SNX25: variants seen among roughly 807,000 people sequenced by gnomAD.
SNX25 encodes the protein sorting nexin 25.
Under a neutral mutation model 113.7 loss-of-function variants are expected in SNX25, and 62 were observed. That is an observed-to-expected ratio of 0.55 (90% CI 0.44 to 0.67). The LOEUF is 0.67. Among genes scored for constraint, SNX25 ranks in the 30% least tolerant of loss-of-function variants. The pLI, the probability that SNX25 is intolerant of heterozygous loss-of-function variation, is 0.00. For missense variants in SNX25, 1,014 were observed against 1,161.0 expected (o/e 0.87, Z 1.84); for synonymous variants, 421 against 436.2 (o/e 0.97, Z 0.43).
chr4:185,205,453 CA>C (rs1161922728), upstream of SNX25, among the ~76,000 whole-genome samples: 294 of 127,138 alleles, frequency 2.3e-3, 1 homozygote, highest in Middle Eastern at 3.8e-3. Context: ...GACTGTGTCT[CA>C]AAAAAAAAAA....
At chr4:185,347,583 G>A (rs1430427293) in intron 13 of SNX25, among the ~76,000 whole-genome samples, 1 of 152,070 alleles carries the variant, frequency 6.6e-6, no homozygotes, top group African/African-American at 2.4e-5. Context: ...TGATTCTCCT[G>A]CCTAAGCCTC....
intron 2 of SNX25, among the ~76,000 whole-genome samples, chr4:185,254,410 G>A (rs1054297106): frequency 1.3e-5 from 2 of 152,088 alleles, no homozygotes; most frequent in African/African-American, 2.4e-5. Flanking sequence ...AGAGACCCAG[G>A]CGTGGACTTT....
At chr4:185,361,581 T>C (rs887465457) in intron 16 of SNX25, among the ~76,000 whole-genome samples, 32 of 151,872 alleles carry the variant, frequency 2.1e-4, no homozygotes, top group Admixed American at 1.9e-3. Context: ...CTACTAAAAA[T>C]ACAAAAATCA....
intron 1 of SNX25, among the ~76,000 whole-genome samples, chr4:185,230,470 G>A (rs144906018): frequency 2.7e-5 from 4 of 149,048 alleles, no homozygotes; most frequent in Non-Finnish European, 4.4e-5. Context: ...ATCAGCTCAC[G>A]CAACATCCGC....
intron 6 of SNX25, among the ~76,000 whole-genome samples, chr4:185,300,004 C>G (rs1391946377): frequency 6.6e-6 from 1 of 152,118 alleles, no homozygotes; most frequent in Non-Finnish European, 1.5e-5. Context: ...AATTGTATAT[C>G]TTACCCAAGT....
chr4:185,315,783 C>CA lies in SNX25; in HGVS notation c.1345-4945dup, dbSNP rs1351685181. Among the ~76,000 whole-genome samples, 3 of 152,206 alleles carry CA rather than the reference C, an allele frequency of 2.0e-5. No homozygotes were observed. The East Asian group carries it at 5.8e-4, about 29-fold the overall frequency. On this transcript the variant is annotated intron_variant, in intron 7 of 18. Coordinates refer to ENST00000652585, the MANE Select transcript of SNX25 (RefSeq NM_001378034.2). ...TGACCCTGGACAGAAAAGTCCTTAA[C>CA]AAAAATACTGGTAAATCAGATTCAA...
intron 1 of SNX25, among the ~76,000 whole-genome samples, chr4:185,213,959 G>T (rs1253608072): frequency 1.3e-5 from 2 of 148,632 alleles, no homozygotes; most frequent in African/African-American, 5.0e-5. Flanking sequence ...TTTTAGACAA[G>T]GTCTCGCTCT....
chr4:185,377,898 G>T, the SNX25 span: 1 of 557,960 alleles, frequency 1.8e-6, no homozygotes, highest in Non-Finnish European at 3.1e-6. Context: ...AGACCTCACT[G>T]ACGATTTGCT....
intron 15 of SNX25, among the ~76,000 whole-genome samples, chr4:185,355,732 T>C (rs1579915004): frequency 6.6e-6 from 1 of 152,252 alleles, no homozygotes; most frequent in African/African-American, 2.4e-5. Flanking sequence ...ATGTTTAACT[T>C]GATTCAATAT....
rs934056135 is a variant in SNX25 at position 185,211,999 on chromosome 4, G to A, written c.429+1744G>A. 1.4e-4 allele frequency among the ~76,000 whole-genome samples: 21 copies of A among 152,188 alleles called. 1 individual carries two copies. Among genetic ancestry groups the A allele is most frequent in the Non-Finnish European group, 8.8e-5 (6 of 68,042 alleles). On this transcript the variant is annotated intron_variant, in intron 1 of 18. Coordinates refer to ENST00000652585, the MANE Select transcript of SNX25 (RefSeq NM_001378034.2). ...AGAAAATAGTATTTTAAAGGTGACA[G>A]AGAAAATGAAGCAGCATGTATAAAT...
intron 1 of SNX25, among the ~76,000 whole-genome samples, chr4:185,220,636 A>T (rs1739662362): frequency 6.6e-6 from 1 of 151,680 alleles, no homozygotes; most frequent in Admixed American, 6.6e-5. Context: ...GCCCACCACC[A>T]CGCCTGGCTA....
the SNX25 span, chr4:185,378,548 ACAGT>A: frequency 9.7e-6 from 10 of 1,033,738 alleles, no homozygotes; most frequent in Non-Finnish European, 7.0e-6. Context: ...GACACTGCCC[ACAGT>A]CAGAGCTCTT....
chr4:185,377,986 A>T, the SNX25 span: 1 of 1,036,122 alleles, frequency 9.7e-7, no homozygotes, highest in South Asian at 1.5e-5. Flanking sequence ...CCTTGAAATC[A>T]ATAAAACACA....
intron 6 of SNX25, among the ~76,000 whole-genome samples, chr4:185,310,107 T>C (rs919894205): frequency 6.6e-6 from 1 of 152,268 alleles, no homozygotes; most frequent in Non-Finnish European, 1.5e-5. Flanking sequence ...CAAAGAAGCC[T>C]GAGTTAGAAT....
chr4:185,222,999 C>T (rs1317437664), intron 1 of SNX25, among the ~76,000 whole-genome samples: 7 of 152,162 alleles, frequency 4.6e-5, no homozygotes, highest in Admixed American at 4.6e-4. Context: ...TTTACACTTA[C>T]TTTTTACAAA....
the SNX25 span, chr4:185,376,889 GAATA>G: frequency 6.4e-7 from 1 of 1,556,274 alleles, no homozygotes; most frequent in African/African-American, 1.4e-5. Context: ...AAATGAAAAC[GAATA>G]AACAAAAAAT....
At chr4:185,278,251 G>A (rs978110215) in intron 5 of SNX25, among the ~76,000 whole-genome samples, 12 of 152,142 alleles carry the variant, frequency 7.9e-5, no homozygotes, top group African/African-American at 2.7e-4. Flanking sequence ...GGTGGAGGAC[G>A]GTTAACAATG....
intron 10 of SNX25, among the ~76,000 whole-genome samples, chr4:185,336,166 C>G (rs540243853): frequency 2.6e-5 from 4 of 152,066 alleles, no homozygotes; most frequent in African/African-American, 9.7e-5. Flanking sequence ...TTAGCTACTT[C>G]TAAAAATTTA....
At chr4:185,323,494 T>C in intron 8 of SNX25, 34 bp from the exon 9 acceptor site, 2 of 1,568,086 alleles carry the variant, frequency 1.3e-6, no homozygotes, top group Non-Finnish European at 8.7e-7. Flanking sequence ...AGAGATGATA[T>C]GTCTTACTTT....
Sources: allele counts gnomAD v4.1 joint callset (sites outside exome capture counted in the v4.1 genomes callset), GRCh38; gene constraint gnomAD v4.1.1; transcripts MANE v1.5; gene names NCBI Gene and HGNC (gene_info 2026-07-23, HGNC 2026-07-21).